Variants in ATXN2 observed in about 807,000 individuals in gnomAD.
ATXN2 encodes the protein ataxin-2.
In ATXN2, 37 loss-of-function variants were observed where a neutral mutation model predicts 138.6. That is an observed-to-expected ratio of 0.27 (90% CI 0.21 to 0.35). The LOEUF is 0.35. Ranked by LOEUF, ATXN2 falls within the 10% of genes least tolerant of loss-of-function variation. The pLI, the probability that ATXN2 is intolerant of heterozygous loss-of-function variation, is 1.00. For missense variants in ATXN2, 1,216 were observed against 1,480.3 expected (o/e 0.82, Z 2.93); for synonymous variants, 549 against 543.7 (o/e 1.01, Z -0.13).
rs552634476 is a variant in ATXN2, at chr12:111,577,457, G to A, written c.251+21327C>T. The stretch of plus-strand genomic sequence containing the variant: ...ATTTTTAGTATTTTTAGTAGAGACG[G>A]GGTTTCACCGTGTTAGCCAGGATGG... On this transcript the variant is annotated intron_variant, in intron 1 of 24. Transcript: ENST00000673436. Among the ~76,000 whole-genome samples the A allele has an allele frequency of 3.6e-4, 55 of 151,728 alleles. 1 individual carries two copies. Among genetic ancestry groups the A allele is most frequent in the Middle Eastern group, 6.8e-3 (2 of 294 alleles).
At chr12:111,549,237 T>G (rs1243632102) in intron 5 of ATXN2, among the ~76,000 whole-genome samples, 3 of 152,076 alleles carry the variant, frequency 2.0e-5, no homozygotes, top group Non-Finnish European at 4.4e-5. Flanking sequence ...TTCCTTTACT[T>G]TGGGAGTAAT....
chr12:111,584,409 A>AAT (rs2135836667), intron 1 of ATXN2, among the ~76,000 whole-genome samples: 1 of 147,040 alleles, frequency 6.8e-6, no homozygotes, highest in South Asian at 2.1e-4. Flanking sequence ...AAAAAAAAAA[A>AAT]AATTCATTGA....
In ATXN2 at chr12:111,598,608, C is replaced by T; in HGVS notation, c.251+176G>A. On this transcript the variant is annotated intron_variant, in intron 1 of 24. Transcript: ENST00000673436. This position sits in a 1 kb window ranked among gnomAD's most constrained non-coding sequence, Gnocchi z 4.5. Reference sequence around the variant, plus strand: ...CAGGCCTGACAATCCCAGAGGACCCCGGCTGCGCCCACCGGCCGAGCCTCG... The same window carrying T: ...CAGGCCTGACAATCCCAGAGGACCCTGGCTGCGCCCACCGGCCGAGCCTCG... 1 of 969,578 alleles carries T rather than the reference C, an allele frequency of 1.0e-6. No individual in the cohort carries two copies. The highest frequency in any genetic ancestry group is 1.2e-6 in the Non-Finnish European group (1 of 815,008). 60.1% of individuals were successfully genotyped at this position (969,578 alleles called of 1,614,324 possible).
Position 111,575,199 on chromosome 12 carries a change from C to CAGA in ATXN2, c.252-19281_252-19280insTCT, listed in dbSNP as rs1053724637. On this transcript the variant is annotated intron_variant, in intron 1 of 24. Transcript: ENST00000673436. ...CCTGAAGCACTAAAAAGAACAAGAC[C>CAGA]CTTAGCAACATACCAGACTGCTGAT... Among the ~76,000 whole-genome samples the CAGA allele has an allele frequency of 2.2e-4, 33 of 152,198 alleles. 1 individual carries two copies. Among genetic ancestry groups the CAGA allele is most frequent in the South Asian group, 6.2e-4 (3 of 4,826 alleles).
chr12:111,548,556 A>G (rs575295591), intron 5 of ATXN2, among the ~76,000 whole-genome samples: 4 of 152,338 alleles, frequency 2.6e-5, no homozygotes, highest in African/African-American at 9.6e-5. Context: ...AAATCAATTC[A>G]TATCTTTTAG....
At chr12:111,479,025 T>A (rs565290157) in intron 18 of ATXN2, 18 of 339,528 alleles carry the variant, frequency 5.3e-5, no homozygotes, top group Admixed American at 9.5e-5. Context: ...AATAAATAAA[T>A]AAAAAATAAA....
chr12:111,584,647 T>G (rs925777758), intron 1 of ATXN2, among the ~76,000 whole-genome samples: 1 of 151,876 alleles, frequency 6.6e-6, no homozygotes, highest in Non-Finnish European at 1.5e-5. Context: ...CTGGCCAACA[T>G]GGTGAAACCC....
chr12:111,535,603 C>CA (rs1881113419), intron 5 of ATXN2, among the ~76,000 whole-genome samples: 1 of 152,102 alleles, frequency 6.6e-6, no homozygotes, highest in African/African-American at 2.4e-5. Context: ...ACCTGGGCAA[C>CA]AGAGTGAGAC....
At chr12:111,537,019 A>G (rs619010) in intron 5 of ATXN2, among the ~76,000 whole-genome samples, 56,920 of 151,550 alleles carry the variant, frequency 0.38, 14,851 homozygotes, top group East Asian at 0.9. Context: ...CCGGCCTCAA[A>G]TGATCTGCCA....
At chr12:111,469,127 T>G (rs1213634336) in intron 20 of ATXN2, 2 of 152,232 alleles carry the variant, frequency 1.3e-5, no homozygotes, top group Non-Finnish European at 2.9e-5. Flanking sequence ...GAAATGCCCA[T>G]GTAGTTACAT....
chr12:111,474,935 C>T (rs1036388680), intron 18 of ATXN2, among the ~76,000 whole-genome samples: 7 of 148,182 alleles, frequency 4.7e-5, no homozygotes, highest in Admixed American at 6.8e-5. Flanking sequence ...AATACAAGGC[C>T]GGGCGCAGTG....
chr12:111,558,970 CCTT>C (rs1882529570), intron 1 of ATXN2, among the ~76,000 whole-genome samples: 1 of 136,454 alleles, frequency 7.3e-6, no homozygotes, highest in East Asian at 2.1e-4. Context: ...AAAAAAAGCA[CCTT>C]CTGCTTCTGA....
chr12:111,599,047 A>T lies in ATXN2; in HGVS notation c.-13T>A, dbSNP rs1461158522. 1 of 1,459,876 alleles carries T rather than the reference A, an allele frequency of 6.8e-7. No individual in the cohort carries two copies. The highest frequency in any genetic ancestry group is 1.5e-5 in the African/African-American group (1 of 67,734). 90.4% of individuals were successfully genotyped at this position (1,459,876 alleles called of 1,614,324 possible). Reference sequence around the variant, plus strand: ...GCTTCAGCGACATGGTGAGGGGCCCATACACCGGCTCGCACGCCGGGCGGG... The same window carrying T: ...GCTTCAGCGACATGGTGAGGGGCCCTTACACCGGCTCGCACGCCGGGCGGG... On this transcript the variant is annotated 5_prime_UTR_variant, in exon 1 of 25. It removes an upstream start codon present in the reference 5' UTR. Coordinates refer to ENST00000673436, the MANE Select transcript of ATXN2 (RefSeq NM_001372574.1).
chr12:111,548,038 CA>C (rs1432372717), intron 5 of ATXN2, among the ~76,000 whole-genome samples: 2 of 151,500 alleles, frequency 1.3e-5, no homozygotes, highest in Non-Finnish European at 2.9e-5. Context: ...ACTAAAAATA[CA>C]AAAATTACCC....
intron 18 of ATXN2, among the ~76,000 whole-genome samples, chr12:111,477,249 G>A (rs1288921692): frequency 5.3e-5 from 8 of 150,894 alleles, no homozygotes; most frequent in South Asian, 2.1e-4. Context: ...CTAGCTACTC[G>A]AGAGGCTGAG....
intron 2 of ATXN2, among the ~76,000 whole-genome samples, chr12:111,555,306 CA>C (rs1446759102): frequency 6.6e-6 from 1 of 152,162 alleles, no homozygotes; most frequent in African/African-American, 2.4e-5. Context: ...TTACACGTGA[CA>C]AAAATACTAT....
chr12:111,456,807 G>A (rs1392253522), intron 22 of ATXN2, among the ~76,000 whole-genome samples: 1 of 151,916 alleles, frequency 6.6e-6, no homozygotes, highest in African/African-American at 2.4e-5. Flanking sequence ...GAGTGCAGTG[G>A]CGCGATCTCT....
intron 16 of ATXN2, among the ~76,000 whole-genome samples, chr12:111,486,159 T>C (rs750674856): frequency 1.3e-5 from 2 of 152,184 alleles, no homozygotes; most frequent in Non-Finnish European, 2.9e-5. Flanking sequence ...ATGATCTCAG[T>C]CGAATAATAA....
intron 1 of ATXN2, among the ~76,000 whole-genome samples, chr12:111,558,202 A>T (rs1882491354): frequency 6.6e-6 from 1 of 152,222 alleles, no homozygotes; most frequent in African/African-American, 2.4e-5. Flanking sequence ...ATGTTAGCAT[A>T]TCGAAGCAGT....
Sources: gnomAD v4.1 joint callset for allele counts (sites outside exome capture counted in the v4.1 genomes callset) on GRCh38, gnomAD v4.1.1 for gene constraint, Gnocchi (gnomAD v3.1) non-coding constraint, MANE v1.5 for transcripts, NCBI Gene and HGNC (gene_info 2026-07-23, HGNC 2026-07-21) for gene names.